Variants in STYK1 observed in about 807,000 individuals in gnomAD.
STYK1 encodes STY kinase 1, also known as tyrosine-protein kinase STYK1.
STYK1 carries 46 observed loss-of-function variants against 48.1 expected under a neutral mutation model. That is an observed-to-expected ratio of 0.96 (90% CI 0.75 to 1.22). The LOEUF (loss-of-function observed/expected upper bound fraction) is 1.22. Among genes scored for constraint, STYK1 ranks in the 50% most tolerant of loss-of-function variants. The pLI is 0.00. For missense variants in STYK1, 527 were observed against 521.1 expected, an observed-to-expected ratio of 1.01 and a Z score of -0.11; for synonymous variants, 188 against 189.0, an observed-to-expected ratio of 0.99 and a Z score of 0.04.
chr12:10,629,584 T>G lies in STYK1; in HGVS notation c.542A>C (p.Glu181Ala), dbSNP rs1947398698. ...TGGCAGCTTTTCAGTGCAGCAGCCT[T>G]CCAGCTGCACCAGGTTTTTGTGTTT... ...LGKHKNLVQL[E>A]GCCTEKLPLY... is the part of the protein sequence containing the mutation. The change falls in exon 6 of 11, where the codon GAA becomes GCA. Residue 181 changes from glutamate to alanine, a missense_variant. Coordinates refer to ENST00000075503, the MANE Select transcript of STYK1 (RefSeq NM_018423.3). The G allele has an allele frequency of 6.2e-7, 1 of 1,614,054 alleles. No individual in the cohort carries two copies. The highest frequency in any genetic ancestry group is 1.7e-5 in the Admixed American group (1 of 60,010).
intron 3 of STYK1, 140 bp downstream of exon 3, chr12:10,634,427 G>A: frequency 1.1e-6 from 1 of 925,652 alleles, no homozygotes; most frequent in African/African-American, 1.6e-5. Context: ...AAAAGACAAT[G>A]GCCTCTAGTC....
In STYK1 at chr12:10,619,866, T is replaced by G. The variant is rs543511912; in HGVS notation, c.*278A>C. The G allele has an allele frequency of 4.0e-6, 2 of 495,782 alleles. No individual in the cohort carries two copies. The highest frequency in any genetic ancestry group is 3.8e-5 in the African/African-American group (2 of 51,956). The allele number at this position is 495,782 out of a possible 1,614,324, so 30.7% of individuals were successfully genotyped here. A position where few individuals can be genotyped will look rare whatever the true frequency, so the allele number is the denominator to read the frequency against. ...ATTTGTGCCATGCCCCAACAAATACTGCAGAGTTCTAAAACCTCCTTTGCA... is the reference window on the plus strand; with the variant it reads ...ATTTGTGCCATGCCCCAACAAATACGGCAGAGTTCTAAAACCTCCTTTGCA... On this transcript the variant is annotated 3_prime_UTR_variant, in exon 11 of 11. Transcript: ENST00000075503.
chr12:10,669,600 G>T (rs1947871092), intron 1 of STYK1, among the ~76,000 whole-genome samples: 1 of 151,934 alleles, frequency 6.6e-6, no homozygotes, highest in Non-Finnish European at 1.5e-5. Flanking sequence ...AAACCCAAAA[G>T]CACAGGCAAC....
rs529881293 is a variant in STYK1 at position 10,631,402 on chromosome 12, C to T, written c.188-94G>A. ...CAAATTGGCAAGGAGGTTCCTTCAGCAGTTTTCTCTTTGGCCAATGGGGAG... is the reference window on the plus strand; with the variant it reads ...CAAATTGGCAAGGAGGTTCCTTCAGTAGTTTTCTCTTTGGCCAATGGGGAG... On this transcript the variant is annotated intron_variant, in intron 4 of 10. Coordinates refer to ENST00000075503, the MANE Select transcript of STYK1 (RefSeq NM_018423.3). 6.8e-5 allele frequency: 102 copies of T among 1,505,970 alleles called. 1 individual carries two copies. In the South Asian group the frequency reaches 1.2e-3, roughly 18 times the overall value. 93.3% of individuals were successfully genotyped at this position (1,505,970 alleles called of 1,614,324 possible).
At chr12:10,626,685 C>T (rs1947361944) in intron 7 of STYK1, among the ~76,000 whole-genome samples, 1 of 151,938 alleles carries the variant, frequency 6.6e-6, no homozygotes, top group Admixed American at 6.6e-5. Context: ...TATCTTAAAC[C>T]CTGAGTTCTT....
chr12:10,631,676 G>A (rs1460355751), intron 4 of STYK1, among the ~76,000 whole-genome samples: 1 of 152,196 alleles, frequency 6.6e-6, no homozygotes, highest in East Asian at 1.9e-4. Context: ...AACTGCCAGT[G>A]AGAACTGTCA....
chr12:10,637,188 A>T lies in STYK1; in HGVS notation c.-186T>A, dbSNP rs1443801625. On this transcript the variant is annotated 5_prime_UTR_variant, in exon 2 of 11. Coordinates refer to ENST00000075503, the MANE Select transcript of STYK1 (RefSeq NM_018423.3). Reference sequence around the variant, plus strand: ...TTATTGATATCTTGCAGCCCAGTGAAATTGGATGCTAGAGCAAGGAGATAA... The same window carrying T: ...TTATTGATATCTTGCAGCCCAGTGATATTGGATGCTAGAGCAAGGAGATAA... 3 of 152,210 alleles carry T rather than the reference A, an allele frequency of 2.0e-5. No homozygotes were observed. Among genetic ancestry groups the T allele is most frequent in the Non-Finnish European group, 4.4e-5 (3 of 68,048 alleles). 9.4% of individuals were successfully genotyped at this position (152,210 alleles called of 1,614,324 possible).
intron 1 of STYK1, among the ~76,000 whole-genome samples, chr12:10,668,555 T>G (rs1591708106): frequency 7.4e-6 from 1 of 135,130 alleles, no homozygotes. Flanking sequence ...TTTTTTTTTT[T>G]TTTTTTTTTT....
chr12:10,640,064 G>C (rs962784473), intron 1 of STYK1, among the ~76,000 whole-genome samples: 1 of 152,094 alleles, frequency 6.6e-6, no homozygotes, highest in African/African-American at 2.4e-5. Context: ...TTTTTTCCTA[G>C]TATTCACCAG....
rs1947898900 is a variant in STYK1, at chr12:10,672,270, C to T, written c.-195+1696G>A. 6.6e-6 allele frequency among the ~76,000 whole-genome samples: 1 copy of T among 152,186 alleles called. No individual in the cohort carries two copies. The highest frequency in any genetic ancestry group is 2.4e-5 in the African/African-American group (1 of 41,442). ...GGGGCGCCGACAGGTACGGGGTGCA[C>T]AGCAGGAAATCAGAGGCAGGTGAGC... is the stretch of plus-strand genomic sequence containing the variant. On this transcript the variant is annotated intron_variant, in intron 1 of 10. Coordinates refer to ENST00000075503, the MANE Select transcript of STYK1 (RefSeq NM_018423.3). This position sits in a 1 kb window ranked among gnomAD's most constrained non-coding sequence, Gnocchi z 4.0.
chr12:10,630,810 G>A (rs12582745), intron 5 of STYK1, among the ~76,000 whole-genome samples: 46,074 of 151,554 alleles, frequency 0.3, 7,877 homozygotes, highest in Non-Finnish European at 0.4. Context: ...ATGCTTATTT[G>A]TAGTAGTCAT....
chr12:10,630,906 T>C (rs888019395), intron 5 of STYK1, 139 bp downstream of exon 5: 3 of 1,105,972 alleles, frequency 2.7e-6, no homozygotes, highest in Non-Finnish European at 3.8e-6. Flanking sequence ...AAAACATTTC[T>C]GCCTCAAGTT....
chr12:10,665,354 C>A (rs1276880132), intron 1 of STYK1, among the ~76,000 whole-genome samples: 1 of 152,202 alleles, frequency 6.6e-6, no homozygotes, highest in Non-Finnish European at 1.5e-5. Flanking sequence ...GTAGAATGCC[C>A]TATGTGTACA....
intron 1 of STYK1, among the ~76,000 whole-genome samples, chr12:10,657,836 A>T (rs953459471): frequency 8.5e-5 from 13 of 152,252 alleles, no homozygotes; most frequent in African/African-American, 3.1e-4. Context: ...AAGAGTTAAC[A>T]TTGTAACATA....
chr12:10,671,216 G>A (rs1028769074), intron 1 of STYK1, among the ~76,000 whole-genome samples: 2 of 151,826 alleles, frequency 1.3e-5, no homozygotes, highest in Non-Finnish European at 2.9e-5. Context: ...GGATGGTCTC[G>A]ATCTCCTGAC....
intron 1 of STYK1, among the ~76,000 whole-genome samples, chr12:10,657,928 G>A (rs1455372069): frequency 6.6e-6 from 1 of 152,228 alleles, no homozygotes; most frequent in Admixed American, 6.5e-5. Flanking sequence ...AAGATTATAA[G>A]AAGGCATGGG....
intron 7 of STYK1, 45 bp from the exon 8 acceptor site, chr12:10,624,904 C>G (rs748673365): frequency 6.3e-7 from 1 of 1,574,882 alleles, no homozygotes; most frequent in Non-Finnish European, 8.7e-7. Context: ...GAGATCACAG[C>G]TTGGGTCACA....
chr12:10,657,788 C>T (rs973538153), intron 1 of STYK1, among the ~76,000 whole-genome samples: 1 of 150,548 alleles, frequency 6.6e-6, no homozygotes, highest in Non-Finnish European at 1.5e-5. Context: ...ATTAAAATCA[C>T]TTACTTACCA....
intron 5 of STYK1, among the ~76,000 whole-genome samples, chr12:10,630,552 AAAG>A (rs1404911237): frequency 6.6e-6 from 1 of 151,172 alleles, no homozygotes; most frequent in East Asian, 1.9e-4. Flanking sequence ...CCTAGGATGC[AAAG>A]AAGAGCTAGG....
Sources: gnomAD v4.1 joint callset for allele counts (sites outside exome capture counted in the v4.1 genomes callset) on GRCh38, gnomAD v4.1.1 for gene constraint, Gnocchi (gnomAD v3.1) non-coding constraint, MANE v1.5 for transcripts, NCBI Gene and HGNC (gene_info 2026-07-23, HGNC 2026-07-21) for gene names.